APPL2: variants seen among roughly 807,000 people sequenced by gnomAD.
APPL2 encodes adaptor protein, phosphotyrosine interacting with PH domain and leucine zipper 2, also known as DCC-interacting protein 13-beta.
Under a neutral mutation model 92.7 loss-of-function variants are expected in APPL2, and 84 were observed. That is an observed-to-expected ratio of 0.91 (90% CI 0.76 to 1.09). The LOEUF is 1.09. Ranked by LOEUF, APPL2 falls within the 50% of genes least tolerant of loss-of-function variation. The pLI, the probability that APPL2 is intolerant of heterozygous loss-of-function variation, is 0.00. For missense variants in APPL2, 736 were observed against 824.5 expected (o/e 0.89, Z 1.31); for synonymous variants, 291 against 291.0 (o/e 1.00, Z 0.00).
chr12:105,232,681 T>C (rs1469800756), intron 1 of APPL2, among the ~76,000 whole-genome samples: 1 of 150,068 alleles, frequency 6.7e-6, no homozygotes, highest in African/African-American at 2.5e-5. Context: ...GGAGGATCGC[T>C]TGAGCCCAGG....
In APPL2 at chr12:105,177,027, GA is replaced by G. The variant is rs755325811; in HGVS notation, c.1672-12del. 3.7e-6 allele frequency: 6 copies of G among 1,611,228 alleles called. No homozygotes were observed. The highest frequency in any genetic ancestry group is 2.2e-5 in the East Asian group (1 of 44,838). ...ACTGGTAAGTTCAAACTGGGGGGTG[GA>G]AAAAAAGGCAACAGATCATACAACT... is the stretch of plus-strand genomic sequence containing the variant. On this transcript the variant is annotated splice_polypyrimidine_tract_variant and intron_variant, in intron 18 of 20. Coordinates refer to ENST00000258530, the MANE Select transcript of APPL2 (RefSeq NM_018171.5).
At chr12:105,225,949 G>C (rs1215527728) in intron 2 of APPL2, among the ~76,000 whole-genome samples, 1 of 151,690 alleles carries the variant, frequency 6.6e-6, no homozygotes, top group East Asian at 1.9e-4. Context: ...TCATTTATCA[G>C]CAGCGTAAGC....
intron 5 of APPL2, 28 bp downstream of exon 5, chr12:105,211,202 T>C (rs1270385590): frequency 1.4e-6 from 2 of 1,435,464 alleles, no homozygotes; most frequent in Admixed American, 1.7e-5. Context: ...ATTTTGAAGG[T>C]AACTGGCATT....
Position 105,207,150 on chromosome 12 carries a change from A to T in APPL2, c.532T>A (p.Ser178Thr). Residue 178 changes from serine (S) to threonine (T), a missense_variant, in exon 8 of 21, where the codon TCC (serine) becomes ACC (threonine). Coordinates refer to ENST00000258530, the MANE Select transcript of APPL2 (RefSeq NM_018171.5). The part of the protein sequence containing the change: ...AAARRKQHLS[S>T]LQYYCALNAL... ...TTGAGGGCACAGTAGTACTGAAGGG[A>T]GGAGAGGTGCTGCTTCCGCCGGGCC... 1 of 1,614,110 alleles carries T rather than the reference A, an allele frequency of 6.2e-7. No individual in the cohort carries two copies. The highest frequency in any genetic ancestry group is 8.5e-7 in the Non-Finnish European group (1 of 1,180,008).
At chr12:105,193,904 TC>T (rs1178935099) in intron 14 of APPL2, among the ~76,000 whole-genome samples, 1 of 152,126 alleles carries the variant, frequency 6.6e-6, no homozygotes, top group African/African-American at 2.4e-5. Flanking sequence ...CTCAAAACCT[TC>T]CATTTTGCTC....
intron 9 of APPL2, 162 bp downstream of exon 9, chr12:105,203,541 T>C: frequency 1.5e-6 from 1 of 647,526 alleles, no homozygotes; most frequent in East Asian, 2.6e-5. Flanking sequence ...TATTTATGAA[T>C]ATTGGCAGCT....
chr12:105,200,860 GTATGTATCTATCTATCTATCTATC>G (rs1337254365), intron 9 of APPL2, among the ~76,000 whole-genome samples: 4,249 of 112,428 alleles, frequency 0.038, 89 homozygotes, highest in Non-Finnish European at 0.055. Context: ...ATGTATGTAT[GTATGTATCTATCTATCTATCTATC>G]TATCTATCTA....
rs955493657 is a variant in APPL2, at chr12:105,214,425, A to G, written c.285+2644T>C. 4.6e-5 allele frequency among the ~76,000 whole-genome samples: 7 copies of G among 152,318 alleles called. No individual in the cohort carries two copies. The East Asian group carries it at 1.2e-3, about 25-fold the overall frequency. ...GCCCTGGGTTATCTTTCTACTGTTC[A>G]TTAAGGAAAACTCTTCCCCAACCTT... On this transcript the variant is annotated intron_variant, in intron 4 of 20. Transcript: ENST00000258530.
chr12:105,215,372 C>T (rs1196412192), intron 4 of APPL2, among the ~76,000 whole-genome samples: 1 of 152,082 alleles, frequency 6.6e-6, no homozygotes, highest in African/African-American at 2.4e-5. Context: ...ATTTTGGTGA[C>T]CAAAGTGTGC....
chr12:105,177,420 C>T, intron 17 of APPL2, 158 bp from the exon 18 acceptor site: 1 of 694,902 alleles, frequency 1.4e-6, no homozygotes, highest in East Asian at 2.7e-5. Flanking sequence ...ACGTGTCCTG[C>T]TTTCTGCCTT....
rs544564737 is a variant in APPL2 at position 105,176,477 on chromosome 12, A to G, written c.1813-395T>C. ...TAGCAGATAGAGTCAAAAGTTTTTC[A>G]TACTAAACCAACAGCTTGTGTGTAA... On this transcript the variant is annotated intron_variant, in intron 19 of 20. Coordinates refer to ENST00000258530, the MANE Select transcript of APPL2 (RefSeq NM_018171.5). 36 of 436,418 alleles carry G rather than the reference A, an allele frequency of 8.2e-5. No individual in the cohort carries two copies. The South Asian group carries it at 2.4e-3, about 29-fold the overall frequency. The allele number at this position is 436,418 out of a possible 1,614,324, so 27.0% of individuals were successfully genotyped here.
chr12:105,195,147 TAAAC>T, intron 14 of APPL2, 110 bp downstream of exon 14: 2 of 1,051,128 alleles, frequency 1.9e-6, no homozygotes, highest in Non-Finnish European at 2.8e-6. Context: ...CTGCTTCTGT[TAAAC>T]AGGCTGAAAA....
In APPL2 at chr12:105,217,733, G is replaced by A. The variant is rs372101863; in HGVS notation, c.154-8C>T. The A allele has an allele frequency of 6.2e-7, 1 of 1,613,194 alleles. No homozygotes were observed. Among genetic ancestry groups the A allele is most frequent in the Non-Finnish European group, 8.5e-7 (1 of 1,179,842 alleles). On this transcript the variant is annotated splice_polypyrimidine_tract_variant and splice_region_variant and intron_variant, in intron 2 of 20. Coordinates refer to ENST00000258530, the MANE Select transcript of APPL2 (RefSeq NM_018171.5). ...GGCCAGGCACATCTCATTCTGTGGA[G>A]AGAAGAGAAAAAGCAAGTAAGATTA... is the stretch of plus-strand genomic sequence containing the variant.
rs199802518 is a variant in APPL2, at chr12:105,197,929, G to A, written c.888C>T (p.Thr296=). 2.3e-4 allele frequency: 375 copies of A among 1,614,028 alleles called. No homozygotes were observed. Among genetic ancestry groups the A allele is most frequent in the Non-Finnish European group, 3.1e-4 (369 of 1,180,036 alleles). Residue 296 remains threonine (T), a synonymous_variant, in exon 11 of 21, where the codon ACC becomes ACT. Transcript: ENST00000258530. ...LRNKTGLVTT[T]WERLYFFTQG... is the part of the protein sequence containing the mutation. ...GGGTGAAGAAATAAAGCCTCTCCCA[G>A]GTGGTGGTGACCAGCCCTGTTTTGC...
intron 18 of APPL2, 52 bp from the exon 19 acceptor site, chr12:105,177,068 C>G (rs1349175587): frequency 1.2e-6 from 2 of 1,611,160 alleles, no homozygotes; most frequent in South Asian, 2.2e-5. Flanking sequence ...GAATTAAAAA[C>G]TGACAAGGCT....
intron 1 of APPL2, chr12:105,229,478 T>TA: frequency 9.8e-7 from 1 of 1,015,846 alleles, no homozygotes; most frequent in East Asian, 4.8e-5. Flanking sequence ...AGCCAGTTTT[T>TA]AAAAGATTAT....
chr12:105,207,523 A>G (rs931752315), intron 7 of APPL2, among the ~76,000 whole-genome samples: 2 of 152,262 alleles, frequency 1.3e-5, no homozygotes, highest in South Asian at 2.1e-4. Context: ...TAGTTCACTC[A>G]TAAGACTGTA....
intron 14 of APPL2, among the ~76,000 whole-genome samples, chr12:105,190,427 G>A (rs1202383503): frequency 1.3e-5 from 2 of 152,162 alleles, no homozygotes; most frequent in Admixed American, 1.3e-4. Flanking sequence ...CTGTGAGGCA[G>A]GTTTTGGAGG....
rs1885274422 is a variant in APPL2, at chr12:105,174,362, G to A, written c.1947C>T (p.Asp649=). The change falls in exon 21 of 21, where the codon GAC becomes GAT. Residue 649 remains aspartate (D), a synonymous_variant. Coordinates refer to ENST00000258530, the MANE Select transcript of APPL2 (RefSeq NM_018171.5). ...TATGTTCGTTTGGATTTCCATCATC[G>A]TCATCTGGTTGATCGTTTAACAGTA... The part of the protein sequence containing the change: ...KYVLLNDQPD[D]DDGNPNEHRG... 10 of 1,613,772 alleles carry A rather than the reference G, an allele frequency of 6.2e-6. 1 individual carries two copies. The highest frequency in any genetic ancestry group is 5.5e-5 in the South Asian group (5 of 91,064).
Sources: allele counts gnomAD v4.1 joint callset (sites outside exome capture counted in the v4.1 genomes callset), GRCh38; gene constraint gnomAD v4.1.1; transcripts MANE v1.5; gene names NCBI Gene and HGNC (gene_info 2026-07-23, HGNC 2026-07-21).